The following TLCD3B variants were observed in gnomAD, a reference collection of about 807,000 sequenced individuals.
TLCD3B encodes the protein TLC domain containing 3B.
TLCD3B carries 9 observed loss-of-function variants against 23.0 expected under a neutral mutation model. That is an observed-to-expected ratio of 0.39 (90% CI 0.24 to 0.68). TLCD3B has a LOEUF of 0.68. TLCD3B is among the 30% of genes least tolerant of loss of function. The pLI, the probability that TLCD3B is intolerant of heterozygous loss-of-function variation, is 0.44. For synonymous variants in TLCD3B, 161 were observed against 161.0 expected (o/e 1.00, Z 0.00); for missense variants, 307 against 371.8 (o/e 0.83, Z 1.43).
In TLCD3B at chr16:30,025,019, C is replaced by A; in HGVS notation, c.*164G>T. Reference sequence around the variant, plus strand: ...AGGGGGAAGAGGTCCCCTCTCTCCACCCCCTCAGTCCCCGAGAGATGGGGC... The same window carrying A: ...AGGGGGAAGAGGTCCCCTCTCTCCAACCCCTCAGTCCCCGAGAGATGGGGC... On this transcript the variant is annotated 3_prime_UTR_variant, in exon 5 of 5. Coordinates refer to ENST00000380495, the MANE Select transcript of TLCD3B (RefSeq NM_031478.6). The surrounding 1 kb of genome is among the most constrained non-coding windows in gnomAD (Gnocchi z 4.1). 1.3e-5 allele frequency: 7 copies of A among 551,752 alleles called. No homozygotes were observed. Among genetic ancestry groups the A allele is most frequent in the East Asian group, 3.2e-5 (1 of 31,550 alleles). The allele number at this position is 551,752 out of a possible 1,614,324, so 34.2% of individuals were successfully genotyped here. A position where few individuals can be genotyped will look rare whatever the true frequency, so the allele number is the denominator to read the frequency against.
chr16:30,049,244 G>A (rs1289322586), intron 1 of TLCD3B, among the ~76,000 whole-genome samples: 3 of 152,166 alleles, frequency 2.0e-5, no homozygotes, highest in African/African-American at 7.2e-5. Context: ...TTCCCCCAGG[G>A]TAATTACCTA....
Position 30,029,709 on chromosome 16 carries a change from C to G in TLCD3B, c.126-194G>C, listed in dbSNP as rs1192224692. On this transcript the variant is annotated intron_variant, in intron 1 of 4. Transcript: ENST00000380495. The surrounding 1 kb of genome is among the most constrained non-coding windows in gnomAD (Gnocchi z 4.6). Reference sequence around the variant, plus strand: ...GTACCTCACGGCTCTCCGGCCCGCTCGGCTGCTGTTCCTCAGTCCACCCCA... The same window carrying G: ...GTACCTCACGGCTCTCCGGCCCGCTGGGCTGCTGTTCCTCAGTCCACCCCA... Among the ~76,000 whole-genome samples, 1 of 152,236 alleles carries G rather than the reference C, an allele frequency of 6.6e-6. No homozygotes were observed.
chr16:30,040,133 CAA>C (rs1205462051), intron 3 of TLCD3B, among the ~76,000 whole-genome samples: 5 of 84,850 alleles, frequency 5.9e-5, no homozygotes, highest in Non-Finnish European at 8.9e-5. Context: ...GACTTTGTCT[CAA>C]AAAAAAAAAA....
At chr16:30,036,531 G>C (rs1169270624) in intron 3 of TLCD3B, 1 of 720,956 alleles carries the variant, frequency 1.4e-6, no homozygotes, top group African/African-American at 1.9e-5. Flanking sequence ...GTGTCAAACT[G>C]CAAAGGCACG....
chr16:30,024,478 G>A lies in TLCD3B; in HGVS notation c.*705C>T, dbSNP rs1293867117. On this transcript the variant is annotated 3_prime_UTR_variant, in exon 5 of 5. Transcript: ENST00000380495. ...TAGCGGTCTGTAAAGCACCTCCCAG[G>A]GTCCCCCGACCCCAGATTGGAGGAA... The A allele has an allele frequency of 1.8e-6, 1 of 569,886 alleles. No homozygotes were observed. The allele number at this position is 569,886 out of a possible 1,614,324, so 35.3% of individuals were successfully genotyped here.
intron 1 of TLCD3B, 115 bp downstream of exon 1, chr16:30,030,288 C>A (rs2071314853): frequency 1.6e-6 from 2 of 1,212,454 alleles, no homozygotes; most frequent in South Asian, 2.9e-5. Flanking sequence ...GCCCCGGACC[C>A]CCACAGGAGC....
chr16:30,030,126 G>A (rs747553939), intron 1 of TLCD3B: 25 of 1,458,386 alleles, frequency 1.7e-5, no homozygotes, highest in South Asian at 3.6e-5. Flanking sequence ...TGTCTTCGCC[G>A]CATGCTGGCC....
upstream of TLCD3B, chr16:30,035,246 C>G (rs1473216954): frequency 5.8e-6 from 7 of 1,213,444 alleles, no homozygotes; most frequent in South Asian, 5.5e-5. Flanking sequence ...TCCAGCTCCA[C>G]TCCACACTCT....
intron 3 of TLCD3B, among the ~76,000 whole-genome samples, chr16:30,026,105 G>A (rs2071121634): frequency 6.6e-6 from 1 of 152,062 alleles, no homozygotes; most frequent in South Asian, 2.1e-4. Context: ...CGTGTTGGTG[G>A]GCACCTGTAA....
At chr16:30,036,471 C>T in intron 3 of TLCD3B, 1 of 1,194,724 alleles carries the variant, frequency 8.4e-7, no homozygotes, top group Non-Finnish European at 1.1e-6. Context: ...GTCCTGCCAT[C>T]CTGCCTTCCT....
chr16:30,037,710 C>G (rs908732059), intron 3 of TLCD3B, among the ~76,000 whole-genome samples: 1 of 148,220 alleles, frequency 6.7e-6, no homozygotes, highest in African/African-American at 2.5e-5. Flanking sequence ...GCACTCCATC[C>G]TGGGCAACAG....
Position 30,025,362 on chromosome 16 carries a change from C to T in TLCD3B, c.646G>A (p.Gly216Arg), listed in dbSNP as rs1237473872. The change falls in exon 5 of 5, where the codon GGG (glycine) becomes AGG (arginine). Residue 216 changes from glycine to arginine, a missense_variant. Coordinates refer to ENST00000380495, the MANE Select transcript of TLCD3B (RefSeq NM_031478.6). The surrounding 1 kb of genome is among the most constrained non-coding windows in gnomAD (Gnocchi z 4.1). Reference protein sequence around the residue: ...LLFPYLYWAYGRHAGLPLLAV... With the variant: ...LLFPYLYWAYRRHAGLPLLAV... ...AGCAGGGGCAGGCCGGCATGGCGCC[C>T]GTAGGCCCAGTACAGGTAGGGAAAG... is the stretch of plus-strand genomic sequence containing the variant. 2.5e-6 allele frequency: 4 copies of T among 1,601,394 alleles called. No individual in the cohort carries two copies. The highest frequency in any genetic ancestry group is 3.4e-6 in the Non-Finnish European group (4 of 1,173,944).
chr16:30,049,848 TG>T (rs1048997387), intron 1 of TLCD3B, among the ~76,000 whole-genome samples: 3 of 150,400 alleles, frequency 2.0e-5, no homozygotes, highest in Non-Finnish European at 4.4e-5. Flanking sequence ...TCACTCAACT[TG>T]GGAGGCAGAG....
At chr16:30,028,639 T>A (rs1385056965) in intron 2 of TLCD3B, among the ~76,000 whole-genome samples, 3 of 152,120 alleles carry the variant, frequency 2.0e-5, no homozygotes, top group African/African-American at 7.2e-5. Flanking sequence ...AGGCAACTCA[T>A]CTTCGGGAAA....
intron 2 of TLCD3B, among the ~76,000 whole-genome samples, chr16:30,028,769 C>T (rs2071254799): frequency 6.6e-6 from 1 of 152,152 alleles, no homozygotes. Flanking sequence ...GTTGTGGGCA[C>T]CTCTAAGGCA....
At chr16:30,035,119 C>G (rs905980467), upstream of TLCD3B, 1 of 295,856 alleles carries the variant, frequency 3.4e-6, no homozygotes, top group South Asian at 3.2e-5. Flanking sequence ...ACCATGTTGG[C>G]CAGGCTGGTC....
chr16:30,049,892 C>T (rs1014722285), intron 1 of TLCD3B, among the ~76,000 whole-genome samples: 1 of 149,702 alleles, frequency 6.7e-6, no homozygotes, highest in Non-Finnish European at 1.5e-5. Flanking sequence ...CCACTGCACT[C>T]TAGCGTGGGC....
intron 1 of TLCD3B, among the ~76,000 whole-genome samples, chr16:30,050,744 G>C (rs191180755): frequency 6.6e-6 from 1 of 152,300 alleles, no homozygotes; most frequent in Non-Finnish European, 1.5e-5. Context: ...TGGATCCAGG[G>C]ACACAGCCCC....
chr16:30,026,773 G>A lies in TLCD3B; in HGVS notation c.280C>T (p.Leu94Phe). 1 of 1,614,180 alleles carries A rather than the reference G, an allele frequency of 6.2e-7. No individual in the cohort carries two copies. ...ACCTGGTGCTTGTGCCAGTGACAGA[G>A]GAACATGGCGTAGATGTCGTAGATG... ...YFIYDIYAMFLCHWHKHQVKG... is the reference protein window; with the variant it reads ...YFIYDIYAMFFCHWHKHQVKG... Residue 94 changes from leucine (L) to phenylalanine (F), a missense_variant, in exon 3 of 5, where the codon CTC (leucine) becomes TTC (phenylalanine). Leu to Phe is a conservative substitution (Grantham distance 22). Coordinates refer to ENST00000380495, the MANE Select transcript of TLCD3B (RefSeq NM_031478.6).
Sources: gnomAD v4.1 joint callset for allele counts (sites outside exome capture counted in the v4.1 genomes callset) on GRCh38, gnomAD v4.1.1 for gene constraint, Gnocchi (gnomAD v3.1) non-coding constraint, MANE v1.5 for transcripts, NCBI Gene and HGNC (gene_info 2026-07-23, HGNC 2026-07-21) for gene names.